MPP7: variants seen among roughly 807,000 people sequenced by gnomAD.
The protein encoded by MPP7 is MAGUK p55 subfamily member 7.
A neutral mutation model predicts 76.5 loss-of-function variants in MPP7; 60 were observed. The ratio of observed to expected loss-of-function variants is 0.78; its 90% CI spans 0.64 to 0.97. The LOEUF (loss-of-function observed/expected upper bound fraction) is 0.97. MPP7 is among the 50% of genes least tolerant of loss of function. The probability of loss-of-function intolerance (pLI) is 0.00; values close to 1 mark genes in which losing one functional copy is unlikely to be tolerated. For missense variants in MPP7, 641 were observed against 694.0 expected (o/e 0.92, Z 0.86); for synonymous variants, 237 against 244.5 (o/e 0.97, Z 0.29).
chr10:28,135,172 G>A (rs1196071217), intron 5 of MPP7, among the ~76,000 whole-genome samples: 1 of 152,096 alleles, frequency 6.6e-6, no homozygotes, highest in Non-Finnish European at 1.5e-5. Flanking sequence ...AAGAAACACA[G>A]GCAAAACTCA....
chr10:28,204,303 T>G (rs1319385797), intron 2 of MPP7, among the ~76,000 whole-genome samples: 2 of 151,806 alleles, frequency 1.3e-5, no homozygotes, highest in African/African-American at 2.4e-5. Context: ...ATTAGCCCAG[T>G]GTGGTGGCAC....
intron 2 of MPP7, among the ~76,000 whole-genome samples, chr10:28,217,537 A>AAAAAAAGAAAAG (rs1554852920): frequency 1.4e-5 from 2 of 138,178 alleles, no homozygotes; most frequent in Non-Finnish European, 3.1e-5. Context: ...AAAAAAAAAA[A>AAAAAAAGAAAAG]AAAAGAAAAG....
At chr10:28,228,686 A>G in intron 2 of MPP7, among the ~76,000 whole-genome samples, 1 of 152,078 alleles carries the variant, frequency 6.6e-6, no homozygotes, top group East Asian at 1.9e-4. Flanking sequence ...GCTTGAACCC[A>G]AGAAGCAGAG....
At chr10:28,201,547 C>T (rs1039844221) in intron 3 of MPP7, among the ~76,000 whole-genome samples, 1 of 152,146 alleles carries the variant, frequency 6.6e-6, no homozygotes, top group Admixed American at 6.6e-5. Context: ...GTTCTGATCA[C>T]TCCCAATGTT....
At chr10:28,224,142 G>A (rs991485839) in intron 2 of MPP7, among the ~76,000 whole-genome samples, 1 of 151,864 alleles carries the variant, frequency 6.6e-6, no homozygotes, top group Admixed American at 6.6e-5. Context: ...CCGAGATCAT[G>A]CCACTGCACT....
At chr10:28,188,838 T>C (rs1330311222) in intron 3 of MPP7, among the ~76,000 whole-genome samples, 1 of 149,608 alleles carries the variant, frequency 6.7e-6, no homozygotes, top group East Asian at 2.0e-4. Context: ...AAAAAAAAAA[T>C]GCCAGTCTGG....
intron 1 of MPP7, among the ~76,000 whole-genome samples, chr10:28,276,019 G>T (rs1404054237): frequency 6.7e-6 from 1 of 149,674 alleles, no homozygotes; most frequent in Non-Finnish European, 1.5e-5. Context: ...GACCAAAAAG[G>T]CCATCACATA....
intron 1 of MPP7, among the ~76,000 whole-genome samples, chr10:28,245,521 T>G (rs1399902165): frequency 6.6e-6 from 1 of 152,120 alleles, no homozygotes; most frequent in African/African-American, 2.4e-5. Flanking sequence ...CAGACAGACC[T>G]AAGATCACAC....
At chr10:28,094,911 C>T (rs370429368) in intron 11 of MPP7, among the ~76,000 whole-genome samples, 2 of 152,060 alleles carry the variant, frequency 1.3e-5, no homozygotes, top group African/African-American at 4.8e-5. Flanking sequence ...GCCAACATTC[C>T]GCCACTGCAC....
Position 28,263,577 on chromosome 10 carries a change from C to T in MPP7, c.-131-24842G>A, listed in dbSNP as rs184190784. On this transcript the variant is annotated intron_variant, in intron 1 of 16. Transcript: ENST00000683449. ...ATACAGAAGACTTCTAAAATCAACA[C>T]TGAAGTGTTTCCCTTTCTCAGGATT... Among the ~76,000 whole-genome samples, 7 of 152,180 alleles carry T rather than the reference C, an allele frequency of 4.6e-5. No homozygotes were observed. In the East Asian group the frequency reaches 9.7e-4, roughly 21 times the overall value.
intron 2 of MPP7, among the ~76,000 whole-genome samples, chr10:28,202,572 C>G (rs573538655): frequency 1.3e-5 from 2 of 152,238 alleles, no homozygotes; most frequent in African/African-American, 4.8e-5. Context: ...GAAGAAAACG[C>G]ATACATTCCT....
At chr10:28,164,025 T>C (rs978475153) in intron 3 of MPP7, among the ~76,000 whole-genome samples, 15 of 151,872 alleles carry the variant, frequency 9.9e-5, no homozygotes, top group Non-Finnish European at 2.1e-4. Flanking sequence ...GTAGAGGAGA[T>C]ACACTGAGCA....
chr10:28,069,212 T>C (rs1214063076), intron 13 of MPP7, among the ~76,000 whole-genome samples: 1 of 152,190 alleles, frequency 6.6e-6, no homozygotes, highest in Non-Finnish European at 1.5e-5. Flanking sequence ...TTTAAAATAA[T>C]GAGTGTAATT....
intron 1 of MPP7, among the ~76,000 whole-genome samples, chr10:28,331,372 T>C (rs1834468611): frequency 6.6e-6 from 1 of 152,126 alleles, no homozygotes; most frequent in South Asian, 2.1e-4. Context: ...TCTTGGAAAC[T>C]ATTTTAAGTA....
intron 11 of MPP7, among the ~76,000 whole-genome samples, chr10:28,095,130 T>A (rs1387114916): frequency 6.7e-6 from 1 of 149,848 alleles, no homozygotes; most frequent in African/African-American, 2.5e-5. Flanking sequence ...CTCCCCTGAT[T>A]CACAAATACA....
intron 6 of MPP7, among the ~76,000 whole-genome samples, chr10:28,129,587 C>G (rs975219561): frequency 1.8e-5 from 2 of 109,164 alleles, no homozygotes; most frequent in Admixed American, 2.0e-4. Flanking sequence ...GACTCCGTCT[C>G]AAAAAAAAAA....
chr10:28,237,542 A>G (rs1247260536), intron 2 of MPP7, among the ~76,000 whole-genome samples: 8 of 152,240 alleles, frequency 5.3e-5, no homozygotes, highest in African/African-American at 7.2e-5. Flanking sequence ...TTGAAATAGC[A>G]AAGAATTATA....
chr10:28,087,389 T>A (rs118187580), intron 12 of MPP7, among the ~76,000 whole-genome samples: 1 of 151,964 alleles, frequency 6.6e-6, no homozygotes, highest in East Asian at 1.9e-4. Context: ...ACACATGCCT[T>A]TTTTTTTCTT....
intron 11 of MPP7, among the ~76,000 whole-genome samples, chr10:28,113,868 G>A (rs1056754169): frequency 6.6e-6 from 1 of 152,176 alleles, no homozygotes; most frequent in Non-Finnish European, 1.5e-5. Flanking sequence ...CTAGAAATGG[G>A]CAGGAGAGAG....
Sources: gnomAD v4.1 joint callset for allele counts (sites outside exome capture counted in the v4.1 genomes callset) on GRCh38, gnomAD v4.1.1 for gene constraint, MANE v1.5 for transcripts, NCBI Gene and HGNC (gene_info 2026-07-23, HGNC 2026-07-21) for gene names.